The following SRD5A2 variants were observed in gnomAD, a reference collection of about 807,000 sequenced individuals.
SRD5A2 encodes steroid 5 alpha-reductase 2.
A neutral mutation model predicts 27.4 loss-of-function variants in SRD5A2; 30 were observed. The observed-to-expected ratio is 1.10, with a 90% CI of 0.82 to 1.49. The LOEUF (loss-of-function observed/expected upper bound fraction) is 1.49, where lower values mean the gene tolerates loss of function less well. Ranked by LOEUF, SRD5A2 falls within the 40% of genes most tolerant of loss-of-function variation. SRD5A2 has a pLI of 0.00. For missense variants in SRD5A2, 348 were observed against 323.4 expected (o/e 1.08, Z -0.58); for synonymous variants, 141 against 133.6 (o/e 1.06, Z -0.38).
the SRD5A2 span, among the ~76,000 whole-genome samples, chr2:31,609,463 A>T: frequency 1.3e-5 from 2 of 152,172 alleles, no homozygotes; most frequent in African/African-American, 2.4e-5. Context: ...CAATGTATAC[A>T]TCTATGGTCA....
upstream of SRD5A2, among the ~76,000 whole-genome samples, chr2:31,583,379 G>A (rs1667113760): frequency 6.6e-6 from 1 of 152,158 alleles, no homozygotes; most frequent in African/African-American, 2.4e-5. Flanking sequence ...GCCAAAGTGA[G>A]AGACTATTTG....
At position 31,525,795 on chromosome 2, in the gene SRD5A2, A is replaced by T. The variant is rs1665763272; in HGVS notation, c.*401T>A. ...TTACATGTATAAAATGCATACCTTT[A>T]ATAAGGTCTATAAGTACTGCCTTCA... On this transcript the variant is annotated 3_prime_UTR_variant, in exon 5 of 5. Transcript: ENST00000622030. 1 of 235,018 alleles carries T rather than the reference A, an allele frequency of 4.3e-6. No homozygotes were observed. The highest frequency in any genetic ancestry group is 6.1e-5 in the East Asian group (1 of 16,456). 14.6% of individuals were successfully genotyped at this position (235,018 alleles called of 1,614,324 possible).
At chr2:31,634,672 T>C in the SRD5A2 span, among the ~76,000 whole-genome samples, 1 of 152,148 alleles carries the variant, frequency 6.6e-6, no homozygotes, top group Non-Finnish European at 1.5e-5. Context: ...TTTTATTTCC[T>C]TTTATCCTTG....
At chr2:31,656,589 C>T in the SRD5A2 span, among the ~76,000 whole-genome samples, 2 of 152,044 alleles carry the variant, frequency 1.3e-5, no homozygotes, top group Non-Finnish European at 2.9e-5. Flanking sequence ...CCCCTTTTGC[C>T]CTTCCACCAT....
chr2:31,539,820 G>C (rs184619105), intron 1 of SRD5A2, among the ~76,000 whole-genome samples: 2 of 152,098 alleles, frequency 1.3e-5, no homozygotes, highest in East Asian at 3.8e-4. Flanking sequence ...GATATCAGTG[G>C]AGGACTAACA....
the SRD5A2 span, among the ~76,000 whole-genome samples, chr2:31,590,401 T>C: frequency 6.6e-6 from 1 of 152,282 alleles, no homozygotes; most frequent in South Asian, 2.1e-4. Flanking sequence ...ACGTCCCTTG[T>C]AAGTAGGATT....
At chr2:31,633,210 G>T in the SRD5A2 span, among the ~76,000 whole-genome samples, 2 of 152,164 alleles carry the variant, frequency 1.3e-5, no homozygotes, top group Admixed American at 1.3e-4. Flanking sequence ...GGAGCCTCAA[G>T]AAGACACAGT....
chr2:31,593,451 A>C, the SRD5A2 span, among the ~76,000 whole-genome samples: 2 of 152,166 alleles, frequency 1.3e-5, no homozygotes, highest in Admixed American at 1.3e-4. Context: ...CAGAGCTCGA[A>C]GACAAGGCTT....
At chr2:31,624,368 A>AT in the SRD5A2 span, among the ~76,000 whole-genome samples, 1 of 151,842 alleles carries the variant, frequency 6.6e-6, no homozygotes, top group South Asian at 2.1e-4. Context: ...ATTAATTATT[A>AT]TTTTTTTAAT....
At chr2:31,528,183 C>A (rs1665823670) in intron 4 of SRD5A2, among the ~76,000 whole-genome samples, 1 of 152,218 alleles carries the variant, frequency 6.6e-6, no homozygotes, top group African/African-American at 2.4e-5. Flanking sequence ...CATTTCCCAG[C>A]AGATAGGGCA....
At chr2:31,620,505 A>G in the SRD5A2 span, among the ~76,000 whole-genome samples, 1 of 152,100 alleles carries the variant, frequency 6.6e-6, no homozygotes, top group Non-Finnish European at 1.5e-5. Context: ...TACTAAATCA[A>G]TGTACAAAAA....
the SRD5A2 span, among the ~76,000 whole-genome samples, chr2:31,593,403 G>A: frequency 6.6e-6 from 1 of 151,988 alleles, no homozygotes; most frequent in Non-Finnish European, 1.5e-5. Context: ...CACTGGAAAG[G>A]TTCAACAATA....
At chr2:31,661,864 ATG>A in the SRD5A2 span, among the ~76,000 whole-genome samples, 3 of 152,006 alleles carry the variant, frequency 2.0e-5, no homozygotes, top group Admixed American at 1.3e-4. Flanking sequence ...TTTTTTCTCT[ATG>A]TACTTCAGTT....
At chr2:31,641,224 T>C in the SRD5A2 span, among the ~76,000 whole-genome samples, 1 of 152,152 alleles carries the variant, frequency 6.6e-6, no homozygotes, top group Non-Finnish European at 1.5e-5. Flanking sequence ...TTTAAACTTC[T>C]GAAGACCAAA....
chr2:31,533,652 G>A lies in SRD5A2; in HGVS notation c.396C>T (p.Tyr132=), dbSNP rs1320423671. The A allele has an allele frequency of 1.3e-6, 2 of 1,558,164 alleles. No homozygotes were observed. The highest frequency in any genetic ancestry group is 8.7e-7 in the Non-Finnish European group (1 of 1,150,524). ...ACCACCCATCAGGGTATTCAGCACA[G>A]TAAATCAGATAGTAGCCTTGAAGGA... ...NGVLQGYYLI[Y]CAEYPDGWYT... Residue 132 remains tyrosine, a synonymous_variant, in exon 2 of 5, where the codon TAC becomes TAT. Transcript: ENST00000622030.
chr2:31,613,557 C>T, the SRD5A2 span, among the ~76,000 whole-genome samples: 2 of 152,084 alleles, frequency 1.3e-5, no homozygotes, highest in African/African-American at 4.8e-5. Context: ...CCCTTGTGCA[C>T]TGTTGGTGAG....
Position 31,552,139 on chromosome 2 carries a change from C to T in SRD5A2, c.282-18373G>A, listed in dbSNP as rs541786276. Among the ~76,000 whole-genome samples, 4 of 151,114 alleles carry T rather than the reference C, an allele frequency of 2.6e-5. No homozygotes were observed. The South Asian group carries it at 6.4e-4, about 24-fold the overall frequency. On this transcript the variant is annotated intron_variant, in intron 1 of 4. Coordinates refer to ENST00000622030, the MANE Select transcript of SRD5A2 (RefSeq NM_000348.4). ...AATGGTCCCTCACCTCATTATTCCA[C>T]AGAAACATCAAGCTAACAATAATAT...
chr2:31,567,897 A>T (rs1357428494), intron 1 of SRD5A2, among the ~76,000 whole-genome samples: 1 of 152,000 alleles, frequency 6.6e-6, no homozygotes, highest in East Asian at 2.0e-4. Context: ...ACAGGCCTGG[A>T]TCCCACACCT....
chr2:31,595,606 A>G, the SRD5A2 span, among the ~76,000 whole-genome samples: 1 of 152,192 alleles, frequency 6.6e-6, no homozygotes, highest in African/African-American at 2.4e-5. Context: ...ATGGACTCAC[A>G]TGTGAATTCT....
Sources: gnomAD v4.1 joint callset for allele counts (sites outside exome capture counted in the v4.1 genomes callset) on GRCh38, gnomAD v4.1.1 for gene constraint, MANE v1.5 for transcripts, NCBI Gene and HGNC (gene_info 2026-07-23, HGNC 2026-07-21) for gene names.